The following PRELID2 variants were observed in gnomAD, a reference collection of about 807,000 sequenced individuals.
PRELID2 encodes PRELI domain containing 2.
A neutral mutation model predicts 28.4 loss-of-function variants in PRELID2; 25 were observed. The observed-to-expected ratio is 0.88, with a 90% confidence interval of 0.64 to 1.23. PRELID2 has a LOEUF of 1.23. Among genes scored for constraint, PRELID2 ranks in the 50% most tolerant of loss-of-function variants. PRELID2 has a pLI of 0.00. For synonymous variants in PRELID2, 76 were observed against 71.6 expected (o/e 1.06, Z -0.31); for missense variants, 201 against 214.4 (o/e 0.94, Z 0.39).
chr5:145,781,623 C>CTA lies in PRELID2; in HGVS notation c.474+14817_474+14818dup, dbSNP rs534122019. Among the ~76,000 whole-genome samples, 21 of 142,550 alleles carry CTA rather than the reference C, an allele frequency of 1.5e-4. 1 individual carries two copies. The highest frequency in any genetic ancestry group is 2.6e-4 in the African/African-American group (10 of 37,954). 93.5% of individuals were successfully genotyped at this position (142,550 alleles called of 152,430 possible). A position where few individuals can be genotyped will look rare whatever the true frequency, so the allele number is the denominator to read the frequency against. On this transcript the variant is annotated intron_variant, in intron 5 of 6. Coordinates refer to ENST00000683046, the MANE Select transcript of PRELID2 (RefSeq NM_205846.3). Reference sequence around the variant, plus strand: ...TATCTATATACACACTATATATATACTATATATATACACACTATATATATA... The same window carrying CTA: ...TATCTATATACACACTATATATATACTATATATATATACACACTATATATATA...
chr5:145,462,965 C>T, the PRELID2 span, among the ~76,000 whole-genome samples: 328 of 152,228 alleles, frequency 2.2e-3, 2 homozygotes, highest in African/African-American at 7.6e-3. Context: ...GTACCTTCTG[C>T]TTCCTGCCAA....
chr5:145,686,739 G>A (rs1289507792), intron 1 of PRELID2, among the ~76,000 whole-genome samples: 1 of 152,124 alleles, frequency 6.6e-6, no homozygotes, highest in Admixed American at 6.6e-5. Flanking sequence ...AGAAAATTTA[G>A]TGAGCTAACT....
intron 1 of PRELID2, among the ~76,000 whole-genome samples, chr5:145,674,027 T>C (rs181710646): frequency 6.6e-6 from 1 of 152,198 alleles, no homozygotes; most frequent in African/African-American, 2.4e-5. Flanking sequence ...AGGTTTTTAT[T>C]TTCCTAAATA....
chr5:145,526,002 A>C (rs1319869737), intron 1 of PRELID2, among the ~76,000 whole-genome samples: 1 of 152,170 alleles, frequency 6.6e-6, no homozygotes, highest in Non-Finnish European at 1.5e-5. Context: ...GAGTCAAAGC[A>C]CTAAAGCACA....
the PRELID2 span, among the ~76,000 whole-genome samples, chr5:145,399,916 C>T: frequency 1.3e-5 from 2 of 152,134 alleles, no homozygotes; most frequent in African/African-American, 4.8e-5. Flanking sequence ...AACAGAACAG[C>T]ACAGGAAAGA....
chr5:145,515,939 A>T (rs895764630), intron 1 of PRELID2, among the ~76,000 whole-genome samples: 1 of 152,170 alleles, frequency 6.6e-6, no homozygotes, highest in South Asian at 2.1e-4. Context: ...AAAATTCAAC[A>T]ATTCTTTATG....
At chr5:145,455,770 C>T in the PRELID2 span, among the ~76,000 whole-genome samples, 43 of 152,258 alleles carry the variant, frequency 2.8e-4, no homozygotes, top group Non-Finnish European at 4.7e-4. Context: ...TATAGGAATG[C>T]TTGTGATTTT....
the PRELID2 span, among the ~76,000 whole-genome samples, chr5:145,297,823 T>C: frequency 4.0e-5 from 6 of 151,764 alleles, no homozygotes; most frequent in African/African-American, 1.2e-4. Flanking sequence ...TATACACCAA[T>C]AACAGACAAA....
the PRELID2 span, among the ~76,000 whole-genome samples, chr5:145,253,179 A>G: frequency 6.6e-6 from 1 of 152,116 alleles, no homozygotes; most frequent in African/African-American, 2.4e-5. Flanking sequence ...AATGCTAGTA[A>G]AGGAATTGTA....
intron 1 of PRELID2, among the ~76,000 whole-genome samples, chr5:145,499,390 T>C (rs1291648636): frequency 6.6e-6 from 1 of 152,204 alleles, no homozygotes; most frequent in Non-Finnish European, 1.5e-5. Context: ...TTCCTCTCTA[T>C]CTTTTTCTGA....
At chr5:145,451,529 G>A in the PRELID2 span, among the ~76,000 whole-genome samples, 8 of 152,100 alleles carry the variant, frequency 5.3e-5, no homozygotes, top group Non-Finnish European at 1.0e-4. Flanking sequence ...GGCAGAGATC[G>A]CGCCCTACCT....
intron 1 of PRELID2, among the ~76,000 whole-genome samples, chr5:145,649,281 C>A (rs893139933): frequency 6.6e-6 from 1 of 152,082 alleles, no homozygotes; most frequent in Non-Finnish European, 1.5e-5. Context: ...ATCTTGGTAG[C>A]CTTGCAGTGG....
chr5:145,286,441 A>T, the PRELID2 span, among the ~76,000 whole-genome samples: 1 of 152,190 alleles, frequency 6.6e-6, no homozygotes, highest in Admixed American at 6.5e-5. Flanking sequence ...CACAGGGTAG[A>T]TGCTATTATC....
the PRELID2 span, among the ~76,000 whole-genome samples, chr5:145,294,047 T>C: frequency 6.6e-6 from 1 of 152,138 alleles, no homozygotes; most frequent in Non-Finnish European, 1.5e-5. Context: ...AACTCCTCTC[T>C]CTACTCGATT....
At chr5:145,417,450 G>C in the PRELID2 span, among the ~76,000 whole-genome samples, 1 of 152,052 alleles carries the variant, frequency 6.6e-6, no homozygotes, top group African/African-American at 2.4e-5. Context: ...AAGAAAAAAA[G>C]AAAATATCAG....
the PRELID2 span, among the ~76,000 whole-genome samples, chr5:145,314,230 A>G: frequency 2.6e-5 from 4 of 152,206 alleles, no homozygotes; most frequent in African/African-American, 9.6e-5. Flanking sequence ...ATGATTCCTA[A>G]TCCCAGCATT....
the PRELID2 span, among the ~76,000 whole-genome samples, chr5:145,391,623 A>G: frequency 6.7e-6 from 1 of 150,138 alleles, no homozygotes; most frequent in Non-Finnish European, 1.5e-5. Context: ...TTAACATTCA[A>G]CTCCTCATTA....
At chr5:145,809,841 C>T (rs959152571) in intron 4 of PRELID2, among the ~76,000 whole-genome samples, 1 of 152,192 alleles carries the variant, frequency 6.6e-6, no homozygotes, top group African/African-American at 2.4e-5. Flanking sequence ...GAAGAAAATG[C>T]TTTTACTAGG....
At chr5:145,712,695 G>A (rs1755727230) in intron 1 of PRELID2, among the ~76,000 whole-genome samples, 1 of 152,074 alleles carries the variant, frequency 6.6e-6, no homozygotes, top group Non-Finnish European at 1.5e-5. Context: ...AGAGAATATA[G>A]TATATGGAAG....
Sources: allele counts gnomAD v4.1 joint callset (sites outside exome capture counted in the v4.1 genomes callset), GRCh38; gene constraint gnomAD v4.1.1; transcripts MANE v1.5; gene names NCBI Gene and HGNC (gene_info 2026-07-23, HGNC 2026-07-21).